The following SETDB1 variants were observed in gnomAD, a reference collection of about 807,000 sequenced individuals.
SETDB1 encodes the protein SET domain bifurcated histone lysine methyltransferase 1, also known as histone-lysine N-methyltransferase SETDB1.
A neutral mutation model predicts 137.4 loss-of-function variants in SETDB1; 31 were observed. The ratio of observed to expected loss-of-function variants is 0.23; its 90% CI spans 0.17 to 0.30. The LOEUF is 0.30. Ranked by LOEUF, SETDB1 falls within the 10% of genes least tolerant of loss-of-function variation. The pLI, the probability that SETDB1 is intolerant of heterozygous loss-of-function variation, is 1.00. For synonymous variants in SETDB1, 548 were observed against 579.9 expected, an observed-to-expected ratio of 0.95 and a Z score of 0.79; for missense variants, 1,113 against 1,631.5, an observed-to-expected ratio of 0.68 and a Z score of 5.47.
chr1:150,962,443 C>G lies in SETDB1; in HGVS notation c.3162-144C>G, dbSNP rs770995643. On this transcript the variant is annotated intron_variant, in intron 17 of 21. Coordinates refer to ENST00000692827, the MANE Select transcript of SETDB1 (RefSeq NM_001366418.1). ...AGGGGATCCTCAGCCTCCCAAAGTG[C>G]TGGGATTACAGCCATGAGCTACCGT... 7 of 808,384 alleles carry G rather than the reference C, an allele frequency of 8.7e-6. 1 individual carries two copies. The highest frequency in any genetic ancestry group is 3.2e-5 in the South Asian group (2 of 62,476). 50.1% of individuals were successfully genotyped at this position (808,384 alleles called of 1,614,324 possible).
intron 3 of SETDB1, among the ~76,000 whole-genome samples, chr1:150,938,808 CG>C (rs1321684806): frequency 1.4e-5 from 2 of 147,684 alleles, no homozygotes; most frequent in Non-Finnish European, 3.0e-5. Context: ...TCGGCCTACA[CG>C]TTTTATTTTT....
chr1:150,949,090 C>T, intron 10 of SETDB1, 32 bp from the exon 11 acceptor site: 1 of 1,596,056 alleles, frequency 6.3e-7, no homozygotes, highest in Non-Finnish European at 8.6e-7. Context: ...TAGCTATCAT[C>T]TTCTCAGTGC....
chr1:150,961,347 GT>G, intron 16 of SETDB1, 156 bp downstream of exon 16: 1 of 810,324 alleles, frequency 1.2e-6, no homozygotes, highest in African/African-American at 1.7e-5. Context: ...CATTCCTAGT[GT>G]TTGTTTAAAG....
At position 150,963,099 on chromosome 1, in the gene SETDB1, C is replaced by T. The variant is rs1450385735; in HGVS notation, c.3420C>T (p.Gly1140=). The T allele has an allele frequency of 2.5e-6, 4 of 1,614,128 alleles. No homozygotes were observed. Among genetic ancestry groups the T allele is most frequent in the Middle Eastern group, 1.7e-4 (1 of 6,060 alleles). ...ATGATATCCAGACCATATCCTCTGG[C>T]TCTGAAGGGGATGACTTTGAGGACA... ...DSDDIQTISS[G]SEGDDFEDKK... is the part of the protein sequence containing the mutation. Residue 1140 remains glycine, a synonymous_variant, in exon 19 of 22, where the codon GGC becomes GGT. Transcript: ENST00000692827.
chr1:150,962,881 C>T, intron 18 of SETDB1, 93 bp from the exon 19 acceptor site: 1 of 1,508,594 alleles, frequency 6.6e-7, no homozygotes, highest in East Asian at 2.3e-5. Flanking sequence ...CCTCTTGCCA[C>T]CGCCCTTTCC....
rs1226510221 is a variant in SETDB1, at chr1:150,962,631, T to A, written c.3206T>A (p.Val1069Glu). Reference protein sequence around the residue: ...SRNYGYNPSPVKPEGLRRPPS... With the variant: ...SRNYGYNPSPEKPEGLRRPPS... ...AATTACGGTTACAATCCTTCTCCTGTGAAGCCTGAAGGACTTCGCCGCCCA... is the reference window on the plus strand; with the variant it reads ...AATTACGGTTACAATCCTTCTCCTGAGAAGCCTGAAGGACTTCGCCGCCCA... The change falls in exon 18 of 22, where the codon GTG (valine) becomes GAG (glutamate). Residue 1069 changes from valine to glutamate, a missense_variant. Val to Glu is a moderately radical substitution (Grantham distance 121, BLOSUM62 -2). Transcript: ENST00000692827. 2.5e-6 allele frequency: 4 copies of A among 1,613,658 alleles called. No homozygotes were observed. The highest frequency in any genetic ancestry group is 3.4e-6 in the Non-Finnish European group (4 of 1,179,640).
At chr1:150,933,254 C>T (rs1571625870) in intron 3 of SETDB1, among the ~76,000 whole-genome samples, 1 of 151,832 alleles carries the variant, frequency 6.6e-6, no homozygotes, top group Admixed American at 6.6e-5. Context: ...GAGATAAGGT[C>T]TCACTATGTT....
intron 3 of SETDB1, among the ~76,000 whole-genome samples, chr1:150,934,093 C>CT (rs982921786): frequency 2.6e-5 from 4 of 151,522 alleles, no homozygotes; most frequent in Non-Finnish European, 5.9e-5. Context: ...CCTGATTTTT[C>CT]TTTTTTTTAG....
At chr1:150,957,300 G>A (rs906955745) in intron 14 of SETDB1, among the ~76,000 whole-genome samples, 3 of 152,242 alleles carry the variant, frequency 2.0e-5, no homozygotes, top group South Asian at 2.1e-4. Flanking sequence ...CCCAGGAAGC[G>A]GAGGTTGGGC....
At chr1:150,927,664 T>C in intron 1 of SETDB1, 40 bp from the exon 2 acceptor site, 8 of 1,576,884 alleles carry the variant, frequency 5.1e-6, no homozygotes, top group Non-Finnish European at 6.9e-6. Context: ...TGATTGTAGT[T>C]ATAAGGACTC....
intron 3 of SETDB1, among the ~76,000 whole-genome samples, chr1:150,936,086 A>G (rs112918608): frequency 6.6e-6 from 1 of 152,216 alleles, no homozygotes; most frequent in Non-Finnish European, 1.5e-5. Flanking sequence ...TCCCGGTTTC[A>G]CACCATTCTC....
chr1:150,952,064 C>T (rs932441705), intron 14 of SETDB1, among the ~76,000 whole-genome samples: 6 of 151,824 alleles, frequency 4.0e-5, no homozygotes, highest in Non-Finnish European at 8.8e-5. Flanking sequence ...AGGAGAATCG[C>T]TTGAATCCAG....
rs771527422 is a variant in SETDB1, at chr1:150,960,648, C to T, written c.2589C>T (p.Ser863=). The change falls in exon 16 of 22, where the codon AGC becomes AGT. Residue 863 remains serine, a synonymous_variant. Transcript: ENST00000692827. ...EYFANLDHIE[S]VENFKEGYES... is the part of the protein sequence containing the mutation. ...TTGCAAATCTGGACCATATCGAGAGCGTGGAGAACTTCAAAGAAGGATATG... is the reference window on the plus strand; with the variant it reads ...TTGCAAATCTGGACCATATCGAGAGTGTGGAGAACTTCAAAGAAGGATATG... 6.8e-6 allele frequency: 11 copies of T among 1,613,658 alleles called. No homozygotes were observed. Among genetic ancestry groups the T allele is most frequent in the South Asian group, 4.4e-5 (4 of 91,062 alleles).
chr1:150,931,402 G>A (rs587649070), intron 3 of SETDB1, among the ~76,000 whole-genome samples: 8 of 151,186 alleles, frequency 5.3e-5, no homozygotes, highest in East Asian at 3.9e-4. Context: ...TGGCTAACAC[G>A]GTGAAACCCC....
intron 2 of SETDB1, 162 bp downstream of exon 2, chr1:150,928,136 C>T: frequency 2.8e-6 from 2 of 726,020 alleles, no homozygotes; most frequent in Non-Finnish European, 4.4e-6. Context: ...TGGCTCACTG[C>T]AACCTCCACC....
In SETDB1 at chr1:150,942,658, A is replaced by C; in HGVS notation, c.643A>C (p.Lys215Gln). Residue 215 changes from lysine (K) to glutamine (Q), a missense_variant, in exon 6 of 22, where the codon AAA (lysine) becomes CAA (glutamine). Transcript: ENST00000692827. ...LGKKRTKTWH[K>Q]GTLIAIQTVG... The stretch of plus-strand genomic sequence containing the variant: ...CAAGAAGAGAACTAAGACTTGGCAC[A>C]AAGGCACCCTTATTGCCATCCAGAC... 1 of 1,613,746 alleles carries C rather than the reference A, an allele frequency of 6.2e-7. No individual in the cohort carries two copies. Among genetic ancestry groups the C allele is most frequent in the Non-Finnish European group, 8.5e-7 (1 of 1,179,904 alleles).
intron 16 of SETDB1, 90 bp downstream of exon 16, chr1:150,961,281 A>G: frequency 1.6e-6 from 2 of 1,265,670 alleles, no homozygotes; most frequent in Non-Finnish European, 2.2e-6. Flanking sequence ...CATGTAGATT[A>G]TTCTACTTGA....
In SETDB1 at chr1:150,927,777, G is replaced by A. The variant is rs1169130646; in HGVS notation, c.63G>A (p.Glu21=). Residue 21 remains glutamate, a synonymous_variant, in exon 2 of 22, where the codon GAG becomes GAA. Coordinates refer to ENST00000692827, the MANE Select transcript of SETDB1 (RefSeq NM_001366418.1). ...CAACAGCTACAGTGGAGTCTGAAGA[G>A]ATTGCAGAGCTGCAACAGGCAGTGG... The part of the protein sequence containing the change: ...DAATATVESE[E]IAELQQAVVE... The A allele has an allele frequency of 6.2e-7, 1 of 1,614,060 alleles. No individual in the cohort carries two copies. Among genetic ancestry groups the A allele is most frequent in the Non-Finnish European group, 8.5e-7 (1 of 1,180,016 alleles).
chr1:150,945,237 T>G (rs1048368818), intron 9 of SETDB1, 129 bp downstream of exon 9: 11 of 1,484,298 alleles, frequency 7.4e-6, no homozygotes, highest in Non-Finnish European at 9.9e-6. Context: ...GTTCTCACTG[T>G]TTTTGGTCAA....
Sources: allele counts gnomAD v4.1 joint callset (sites outside exome capture counted in the v4.1 genomes callset), GRCh38; gene constraint gnomAD v4.1.1; transcripts MANE v1.5; gene names NCBI Gene and HGNC (gene_info 2026-07-23, HGNC 2026-07-21).